Variants in CHGA observed in about 807,000 individuals in gnomAD.
CHGA encodes chromogranin-A.
A neutral mutation model predicts 54.4 loss-of-function variants in CHGA; 41 were observed. The ratio of observed to expected loss-of-function variants is 0.75; its 90% CI spans 0.59 to 0.98. The LOEUF (loss-of-function observed/expected upper bound fraction) is 0.98, where lower values mean the gene tolerates loss of function less well. Among genes scored for constraint, CHGA ranks in the 50% least tolerant of loss-of-function variants. The probability of loss-of-function intolerance (pLI) is 0.00; values close to 1 mark genes in which losing one functional copy is unlikely to be tolerated. For missense variants in CHGA, 576 were observed against 582.3 expected, an observed-to-expected ratio of 0.99 and a Z score of 0.11; for synonymous variants, 249 against 232.8, an observed-to-expected ratio of 1.07 and a Z score of -0.63.
upstream of CHGA, among the ~76,000 whole-genome samples, chr14:92,922,873 C>T (rs1297943833): frequency 6.6e-6 from 1 of 152,180 alleles, no homozygotes; most frequent in African/African-American, 2.4e-5. Context: ...AGTGACTTGC[C>T]CAGGGACACA....
chr14:92,929,862 G>A, intron 5 of CHGA, 47 bp downstream of exon 5: 2 of 1,479,818 alleles, frequency 1.4e-6, no homozygotes, highest in African/African-American at 1.4e-5. Flanking sequence ...GAGGGTGGCA[G>A]TGGGAACAGT....
At chr14:92,929,932 CCT>C (rs750551627) in intron 5 of CHGA, 117 bp downstream of exon 5, 2 of 754,586 alleles carry the variant, frequency 2.7e-6, no homozygotes, top group Admixed American at 4.4e-5. Flanking sequence ...CCCTTATTTC[CCT>C]CTCTCTACAA....
Position 92,932,537 on chromosome 14 carries a change from G to A in CHGA, c.976G>A (p.Glu326Lys), listed in dbSNP as rs185229400. Residue 326 changes from glutamate (E) to lysine (K), a missense_variant, in exon 7 of 8, where the codon GAG becomes AAG. Coordinates refer to ENST00000216492, the MANE Select transcript of CHGA (RefSeq NM_001275.4). This position sits in a 1 kb window ranked among gnomAD's most constrained non-coding sequence, Gnocchi z 5.3. ...LFRGGKSGEL[E>K]QEEERLSKEW... ...CCGGGGTGGGAAGAGCGGAGAGCTG[G>A]AGCAGGAGGAGGAGCGGCTCTCCAA... is the stretch of plus-strand genomic sequence containing the variant. 3.9e-6 allele frequency: 6 copies of A among 1,554,280 alleles called. No individual in the cohort carries two copies. The East Asian group carries it at 1.4e-4, about 37-fold the overall frequency.
upstream of CHGA, chr14:92,923,139 G>C (rs1269377698): frequency 2.9e-6 from 1 of 345,692 alleles, no homozygotes; most frequent in Non-Finnish European, 5.2e-6. Flanking sequence ...GGGCGCGAGG[G>C]CGCTGCTGCT....
Position 92,927,693 on chromosome 14 carries a change from A to G in CHGA, c.256+75A>G, listed in dbSNP as rs1000032868. 7 of 1,198,762 alleles carry G rather than the reference A, an allele frequency of 5.8e-6. No homozygotes were observed. In the Admixed American group the frequency reaches 1.3e-4, roughly 22 times the overall value. The allele number at this position is 1,198,762 out of a possible 1,614,324, so 74.3% of individuals were successfully genotyped here. ...AGTCAGAAAATCTGGTGGAAGATTC[A>G]GCAAGTTCCTCTCTGGGACTGTCAT... is the stretch of plus-strand genomic sequence containing the variant. On this transcript the variant is annotated intron_variant, in intron 4 of 7. Coordinates refer to ENST00000216492, the MANE Select transcript of CHGA (RefSeq NM_001275.4).
intron 4 of CHGA, among the ~76,000 whole-genome samples, chr14:92,928,227 G>A (rs1398395333): frequency 2.0e-5 from 3 of 152,212 alleles, no homozygotes; most frequent in Non-Finnish European, 2.9e-5. Context: ...CCAACGAAGC[G>A]AGAGTGTTTT....
At position 92,923,241 on chromosome 14, in the gene CHGA, G is replaced by A. The variant is rs1595058926; in HGVS notation, c.-119G>A. 2 of 907,208 alleles carry A rather than the reference G, an allele frequency of 2.2e-6. No individual in the cohort carries two copies. Among genetic ancestry groups the A allele is most frequent in the East Asian group, 3.8e-5 (1 of 26,634 alleles). 56.2% of individuals were successfully genotyped at this position (907,208 alleles called of 1,614,324 possible). On this transcript the variant is annotated 5_prime_UTR_variant, in exon 1 of 8. Coordinates refer to ENST00000216492, the MANE Select transcript of CHGA (RefSeq NM_001275.4). ...AGACGGACGCACGCCGAGGCACTGC[G>A]CCCCCAGCCCCGCGCCGGTGCCACC...
rs1343725874 is a variant in CHGA, at chr14:92,934,059, T to G, written c.1291-742T>G. On this transcript the variant is annotated intron_variant, in intron 7 of 7. Transcript: ENST00000216492. ...CAATGTCGGGGTCCCTGGGCCAGGA[T>G]GCCCTCGGCAGCCTCAAATCTGGCA... Among the ~76,000 whole-genome samples the G allele has an allele frequency of 4.6e-5, 7 of 152,324 alleles. No homozygotes were observed. The East Asian group carries it at 1.2e-3, about 25-fold the overall frequency.
intron 7 of CHGA, among the ~76,000 whole-genome samples, chr14:92,933,520 G>C (rs942781259): frequency 1.3e-5 from 2 of 152,174 alleles, no homozygotes; most frequent in Admixed American, 1.3e-4. Flanking sequence ...ACAGGAGCAG[G>C]GGGGAGTTGG....
intron 2 of CHGA, among the ~76,000 whole-genome samples, chr14:92,925,282 C>T (rs1400200117): frequency 2.0e-5 from 3 of 152,198 alleles, no homozygotes; most frequent in Non-Finnish European, 4.4e-5. Context: ...CATCCCTCTC[C>T]AGACCCTCTA....
Position 92,932,657 on chromosome 14 carries a change from G to T in CHGA, c.1096G>T (p.Asp366Tyr). ...GCTGGAGGGGCAGGAGGAGGAGGAGGACAACCGGGACAGTTCCATGAAGCT... is the reference window on the plus strand; with the variant it reads ...GCTGGAGGGGCAGGAGGAGGAGGAGTACAACCGGGACAGTTCCATGAAGCT... The part of the protein sequence containing the change: ...KRLEGQEEEE[D>Y]NRDSSMKLSF... The change falls in exon 7 of 8, where the codon GAC (aspartate) becomes TAC (tyrosine). Residue 366 changes from aspartate to tyrosine, a missense_variant. Physicochemically the swap from Asp to Tyr is radical, Grantham distance 160 (BLOSUM62 -3). Transcript: ENST00000216492. This position sits in a 1 kb window ranked among gnomAD's most constrained non-coding sequence, Gnocchi z 5.3. The T allele has an allele frequency of 6.2e-7, 1 of 1,602,018 alleles. No homozygotes were observed. The highest frequency in any genetic ancestry group is 8.5e-7 in the Non-Finnish European group (1 of 1,176,488).
chr14:92,933,586 G>A (rs1375729869), intron 7 of CHGA, among the ~76,000 whole-genome samples: 1 of 152,110 alleles, frequency 6.6e-6, no homozygotes, highest in Non-Finnish European at 1.5e-5. Flanking sequence ...GTCCAGGTAG[G>A]AACCCAGGCT....
At chr14:92,927,745 C>T (rs1886915776) in intron 4 of CHGA, 127 bp downstream of exon 4, 4 of 780,976 alleles carry the variant, frequency 5.1e-6, no homozygotes, top group Non-Finnish European at 6.3e-6. Context: ...AGCGGAAAAG[C>T]AGGATCCGCC....
rs1338663871 is a variant in CHGA, at chr14:92,932,620, G to C, written c.1059G>C (p.Thr353=). 3 of 1,589,376 alleles carry C rather than the reference G, an allele frequency of 1.9e-6. No individual in the cohort carries two copies. Among genetic ancestry groups the C allele is most frequent in the Non-Finnish European group, 1.7e-6 (2 of 1,169,096 alleles). Residue 353 remains threonine (T), a synonymous_variant, in exon 7 of 8, where the codon ACG becomes ACC. Coordinates refer to ENST00000216492, the MANE Select transcript of CHGA (RefSeq NM_001275.4). This position sits in a 1 kb window ranked among gnomAD's most constrained non-coding sequence, Gnocchi z 5.3. ...TGGACCAGCTGGCCAAGGAGCTGAC[G>C]GCTGAGAAGCGGCTGGAGGGGCAGG... is the stretch of plus-strand genomic sequence containing the variant. ...SKMDQLAKEL[T]AEKRLEGQEE...
rs758122903 is a variant in CHGA, at chr14:92,931,683, G to A, written c.789G>A (p.Lys263=). ...VLNPHPSLGY[K]EIRKGESRSE... is the part of the protein sequence containing the mutation. ...ACCCCCACCCGAGCCTTGGCTACAA[G>A]GAGATCCGGAAAGGCGAGAGTACGT... is the stretch of plus-strand genomic sequence containing the variant. Residue 263 remains lysine (K), a synonymous_variant, in exon 6 of 8, where the codon AAG becomes AAA. Coordinates refer to ENST00000216492, the MANE Select transcript of CHGA (RefSeq NM_001275.4). The A allele has an allele frequency of 1.3e-6, 2 of 1,581,538 alleles. No individual in the cohort carries two copies. Among genetic ancestry groups the A allele is most frequent in the Admixed American group, 3.5e-5 (2 of 57,738 alleles).
chr14:92,925,318 C>G (rs1886866012), intron 2 of CHGA, among the ~76,000 whole-genome samples: 1 of 152,188 alleles, frequency 6.6e-6, no homozygotes, highest in South Asian at 2.1e-4. Context: ...CCAGAAAATG[C>G]CCTCTCGAAC....
At chr14:92,931,782 A>C in intron 6 of CHGA, 80 bp downstream of exon 6, 1 of 1,367,600 alleles carries the variant, frequency 7.3e-7, no homozygotes. Context: ...CCATAACCTC[A>C]TTCCACCTTC....
At chr14:92,924,749 C>T (rs1886853949) in intron 2 of CHGA, among the ~76,000 whole-genome samples, 1 of 152,246 alleles carries the variant, frequency 6.6e-6, no homozygotes, top group East Asian at 1.9e-4. Flanking sequence ...ATGGCTCCTG[C>T]ACCCACGGTC....
At chr14:92,931,120 T>A (rs770680114) in intron 5 of CHGA, 130 bp from the exon 6 acceptor site, 146 of 862,344 alleles carry the variant, frequency 1.7e-4, no homozygotes, top group African/African-American at 1.3e-3. Flanking sequence ...GGGGTAACCC[T>A]AATCGTTGTC....
Sources: gnomAD v4.1 joint callset for allele counts (sites outside exome capture counted in the v4.1 genomes callset) on GRCh38, gnomAD v4.1.1 for gene constraint, Gnocchi (gnomAD v3.1) non-coding constraint, MANE v1.5 for transcripts, NCBI Gene and HGNC (gene_info 2026-07-23, HGNC 2026-07-21) for gene names.